The following ANKS1B variants were observed in gnomAD, a reference collection of about 807,000 sequenced individuals.
ANKS1B encodes ankyrin repeat and sterile alpha motif domain containing 1B.
Under a neutral mutation model 148.3 loss-of-function variants are expected in ANKS1B, and 36 were observed. The observed-to-expected ratio is 0.24, with a 90% CI of 0.19 to 0.32. ANKS1B has a LOEUF of 0.32. Among genes scored for constraint, ANKS1B ranks in the 10% least tolerant of loss-of-function variants. ANKS1B has a pLI of 1.00. For missense variants in ANKS1B, 1,157 were observed against 1,542.6 expected (o/e 0.75, Z 4.19); for synonymous variants, 542 against 560.8 (o/e 0.97, Z 0.47).
chr12:99,982,485 C>A (rs1432180129), intron 1 of ANKS1B, among the ~76,000 whole-genome samples: 1 of 152,040 alleles, frequency 6.6e-6, no homozygotes, highest in Non-Finnish European at 1.5e-5. Context: ...CATGTTTTCC[C>A]GAAGAAATTG....
rs148668037 is a variant in ANKS1B at position 99,885,076 on chromosome 12, T to C, written c.135-59687A>G. Among the ~76,000 whole-genome samples, 773 of 152,204 alleles carry C rather than the reference T, an allele frequency of 5.1e-3. 10 individuals are homozygous for C. The highest frequency in any genetic ancestry group is 0.017 in the African/African-American group (724 of 41,520). ...AGTATTTATATCTCATAGGTCTTTA[T>C]AAAAAAGTTTTTTAAAGGTTTCAAG... is the stretch of plus-strand genomic sequence containing the variant. On this transcript the variant is annotated intron_variant, in intron 1 of 26. Transcript: ENST00000683438.
At chr12:99,062,136 T>A (rs2042650128) in intron 16 of ANKS1B, among the ~76,000 whole-genome samples, 1 of 152,120 alleles carries the variant, frequency 6.6e-6, no homozygotes, top group Non-Finnish European at 1.5e-5. Flanking sequence ...AAAGTACAGG[T>A]AAGAGTGTTG....
intron 10 of ANKS1B, among the ~76,000 whole-genome samples, chr12:99,461,382 T>A (rs778575983): frequency 1.3e-5 from 2 of 152,094 alleles, no homozygotes; most frequent in South Asian, 4.1e-4. Flanking sequence ...CTAAAGAACT[T>A]ATTCATGTAA....
chr12:98,817,483 T>C (rs2099150850), intron 19 of ANKS1B, among the ~76,000 whole-genome samples: 1 of 152,234 alleles, frequency 6.6e-6, no homozygotes, highest in Non-Finnish European at 1.5e-5. Context: ...TTTTGTTTCT[T>C]GTGAGTTACC....
chr12:99,068,018 A>G (rs1404835178), intron 16 of ANKS1B, among the ~76,000 whole-genome samples: 3 of 152,094 alleles, frequency 2.0e-5, no homozygotes, highest in Admixed American at 2.0e-4. Flanking sequence ...CAATAGTTTT[A>G]GTAGTTATTA....
chr12:99,682,045 G>A (rs1778500403), intron 8 of ANKS1B, among the ~76,000 whole-genome samples: 1 of 152,136 alleles, frequency 6.6e-6, no homozygotes, highest in Non-Finnish European at 1.5e-5. Flanking sequence ...AATGATAAAA[G>A]GACTAGTCCA....
At chr12:99,414,222 C>T (rs1376228780) in intron 11 of ANKS1B, among the ~76,000 whole-genome samples, 8 of 152,070 alleles carry the variant, frequency 5.3e-5, no homozygotes, top group South Asian at 2.1e-4. Context: ...TCATATAACT[C>T]AGCCTACATA....
chr12:99,714,844 G>A (rs1221705413), intron 8 of ANKS1B, among the ~76,000 whole-genome samples: 1 of 151,952 alleles, frequency 6.6e-6, no homozygotes, highest in Non-Finnish European at 1.5e-5. Flanking sequence ...TACAGGCCCA[G>A]TGCAGTGGTT....
chr12:98,878,127 C>A (rs1408792152), intron 17 of ANKS1B, among the ~76,000 whole-genome samples: 1 of 149,442 alleles, frequency 6.7e-6, no homozygotes, highest in East Asian at 2.0e-4. Context: ...AGAGGGGTAG[C>A]AAATTATTCT....
rs150655457 is a variant in ANKS1B, at chr12:99,403,902, G to A, written c.1576-4091C>T. Among the ~76,000 whole-genome samples, 81 of 145,932 alleles carry A rather than the reference G, an allele frequency of 5.6e-4. 14 individuals are homozygous for A. The highest frequency in any genetic ancestry group is 2.0e-3 in the African/African-American group (76 of 38,412). On this transcript the variant is annotated intron_variant, in intron 11 of 26. Coordinates refer to ENST00000683438, the MANE Select transcript of ANKS1B (RefSeq NM_001352186.2). ...TGTTCACTGCAGCACTATTCACAAC[G>A]GCAAAGACATGGAATCAATCTAAAT...
chr12:98,920,596 C>T (rs541924812), intron 17 of ANKS1B, among the ~76,000 whole-genome samples: 39 of 152,264 alleles, frequency 2.6e-4, no homozygotes, highest in Admixed American at 2.2e-3. Context: ...GAGAACAGCA[C>T]GGGAAGGACC....
At chr12:98,780,232 A>G (rs570752845) in intron 24 of ANKS1B, among the ~76,000 whole-genome samples, 1 of 152,282 alleles carries the variant, frequency 6.6e-6, no homozygotes, top group African/African-American at 2.4e-5. Context: ...AGGTCCAGAG[A>G]AAGACCAGCA....
chr12:99,511,203 C>G (rs2096762571), intron 9 of ANKS1B, among the ~76,000 whole-genome samples: 1 of 151,898 alleles, frequency 6.6e-6, no homozygotes. Flanking sequence ...TCCTTCAAAA[C>G]CTAGTTTATT....
At chr12:99,880,004 C>T (rs61940323) in intron 1 of ANKS1B, among the ~76,000 whole-genome samples, 26,023 of 152,108 alleles carry the variant, frequency 0.17, 2,748 homozygotes, top group Non-Finnish European at 0.24. Flanking sequence ...GTCAGATTGC[C>T]TAGCCTTAAA....
intron 8 of ANKS1B, among the ~76,000 whole-genome samples, chr12:99,717,314 C>G (rs2057456577): frequency 6.6e-6 from 1 of 152,190 alleles, no homozygotes; most frequent in Non-Finnish European, 1.5e-5. Flanking sequence ...TAGAGGCAGC[C>G]AAGTAGCAAC....
chr12:99,224,457 G>A (rs2085570577), intron 14 of ANKS1B, among the ~76,000 whole-genome samples: 2 of 152,122 alleles, frequency 1.3e-5, no homozygotes, highest in Admixed American at 1.3e-4. Flanking sequence ...GATAGTGAGT[G>A]AGTTCTCTCG....
chr12:98,808,910 G>T (rs1187250981), intron 19 of ANKS1B, among the ~76,000 whole-genome samples: 1 of 152,200 alleles, frequency 6.6e-6, no homozygotes, highest in Non-Finnish European at 1.5e-5. Flanking sequence ...CAGGAAGAAG[G>T]CAAGCACATA....
At chr12:98,736,732 A>AAAAAGGACCAGCAGAGAC (rs2153348407) in intron 9 of ANKS1B, among the ~76,000 whole-genome samples, 1 of 152,314 alleles carries the variant, frequency 6.6e-6, no homozygotes, top group South Asian at 2.1e-4. Context: ...CCAGGAGACT[A>AAAAAGGACCAGCAGAGAC]AAAAGGACCA....
At chr12:99,637,465 G>A (rs567467737) in intron 9 of ANKS1B, among the ~76,000 whole-genome samples, 32 of 152,308 alleles carry the variant, frequency 2.1e-4, no homozygotes, top group Non-Finnish European at 2.8e-4. Context: ...GATCCTGGGT[G>A]TGTCTGTGAG....
Sources: gnomAD v4.1 joint callset for allele counts (sites outside exome capture counted in the v4.1 genomes callset) on GRCh38, gnomAD v4.1.1 for gene constraint, MANE v1.5 for transcripts, NCBI Gene and HGNC (gene_info 2026-07-23, HGNC 2026-07-21) for gene names.